The following PTPN4 variants were observed in gnomAD, a reference collection of about 807,000 sequenced individuals.
PTPN4 encodes the protein tyrosine-protein phosphatase non-receptor type 4.
Under a neutral mutation model 135.5 loss-of-function variants are expected in PTPN4, and 49 were observed. The ratio of observed to expected loss-of-function variants is 0.36; its 90% CI spans 0.29 to 0.46. PTPN4 has a LOEUF of 0.46. Among genes scored for constraint, PTPN4 ranks in the 20% least tolerant of loss-of-function variants. PTPN4 has a pLI of 1.00. For missense variants in PTPN4, 860 were observed against 1,101.0 expected, an observed-to-expected ratio of 0.78 and a Z score of 3.10; for synonymous variants, 333 against 369.9, an observed-to-expected ratio of 0.90 and a Z score of 1.14.
chr2:119,877,903 T>C (rs954960779), intron 5 of PTPN4, among the ~76,000 whole-genome samples: 22 of 150,570 alleles, frequency 1.5e-4, no homozygotes, highest in African/African-American at 3.4e-4. Context: ...GTTTTTTTTT[T>C]CCCATGTGAA....
At chr2:119,775,750 C>A (rs928070031) in intron 1 of PTPN4, among the ~76,000 whole-genome samples, 1 of 152,166 alleles carries the variant, frequency 6.6e-6, no homozygotes, top group Non-Finnish European at 1.5e-5. Context: ...TTGTGCATGA[C>A]TTCACAGGAT....
chr2:119,932,569 C>T lies in PTPN4; in HGVS notation c.1196+20C>T, dbSNP rs1360516835. 6.3e-7 allele frequency: 1 copy of T among 1,582,898 alleles called. No homozygotes were observed. Among genetic ancestry groups the T allele is most frequent in the East Asian group, 2.3e-5 (1 of 43,662 alleles). ...TAATCAGTAAGTGTGAATTTTGTGA[C>T]CAACATCAGGTGTGAATTTTGCTAA... On this transcript the variant is annotated intron_variant, in intron 14 of 26. Transcript: ENST00000263708.
chr2:119,900,674 C>A (rs370272876), intron 9 of PTPN4, 44 bp from the exon 10 acceptor site: 12 of 1,164,038 alleles, frequency 1.0e-5, no homozygotes, highest in South Asian at 1.6e-5. Flanking sequence ...CTAACAAAGC[C>A]CATAAATTTA....
intron 26 of PTPN4, among the ~76,000 whole-genome samples, chr2:119,974,019 T>C (rs1679577642): frequency 6.6e-6 from 1 of 152,196 alleles, no homozygotes; most frequent in African/African-American, 2.4e-5. Context: ...TAGCAAGTGG[T>C]ATAGCATGTG....
intron 1 of PTPN4, among the ~76,000 whole-genome samples, chr2:119,766,452 G>GC: frequency 2.4e-5 from 1 of 42,432 alleles, no homozygotes; most frequent in African/African-American, 5.8e-5. Context: ...GTGCGCGCGT[G>GC]TGTGTGTGTG....
chr2:119,896,374 C>T (rs1391200842), intron 9 of PTPN4, among the ~76,000 whole-genome samples: 2 of 152,180 alleles, frequency 1.3e-5, no homozygotes, highest in East Asian at 3.9e-4. Flanking sequence ...CTGTAAAGCA[C>T]TGGATTATTT....
chr2:119,923,358 CA>C (rs890569598), intron 12 of PTPN4, among the ~76,000 whole-genome samples: 1 of 152,134 alleles, frequency 6.6e-6, no homozygotes, highest in African/African-American at 2.4e-5. Context: ...GGTGACAGAG[CA>C]AGACCCTGTC....
chr2:119,779,835 C>T (rs1299693136), intron 1 of PTPN4, among the ~76,000 whole-genome samples: 1 of 152,134 alleles, frequency 6.6e-6, no homozygotes, highest in Non-Finnish European at 1.5e-5. Flanking sequence ...GCCTCGATTT[C>T]CCAGGCTCAA....
intron 1 of PTPN4, among the ~76,000 whole-genome samples, chr2:119,785,708 G>A (rs1213478501): frequency 6.6e-6 from 1 of 152,048 alleles, no homozygotes; most frequent in East Asian, 1.9e-4. Context: ...AGAATCAAGA[G>A]CTGTTAAAAT....
chr2:119,779,576 C>T (rs1408032425), intron 1 of PTPN4, among the ~76,000 whole-genome samples: 3 of 147,564 alleles, frequency 2.0e-5, no homozygotes, highest in Non-Finnish European at 3.0e-5. Flanking sequence ...GAGATTGTGC[C>T]ACTGCACTCC....
Position 119,982,235 on chromosome 2 carries a change from A to G in PTPN4, c.*5165A>G, listed in dbSNP as rs1679706334. 1 of 152,280 alleles carries G rather than the reference A, an allele frequency of 6.6e-6. No homozygotes were observed. The highest frequency in any genetic ancestry group is 1.9e-4 in the East Asian group (1 of 5,190). The allele number at this position is 152,280 out of a possible 1,614,324, so 9.4% of individuals were successfully genotyped here. A position where few individuals can be genotyped will look rare whatever the true frequency, so the allele number is the denominator to read the frequency against. On this transcript the variant is annotated 3_prime_UTR_variant, in exon 27 of 27. Transcript: ENST00000263708. ...CTTTGTTGTGTAAAGGATATAGAAA[A>G]TATTTTTCTATGGACAGAAGGTTGA... is the stretch of plus-strand genomic sequence containing the variant.
chr2:119,796,860 TTGTGTGTGTGTG>T (rs112883330), intron 1 of PTPN4, among the ~76,000 whole-genome samples: 24 of 147,538 alleles, frequency 1.6e-4, no homozygotes, highest in African/African-American at 5.5e-4. Flanking sequence ...GTCACTGTTT[TTGTGTGTGTGTG>T]TGTGTGTGTG....
Position 119,977,272 on chromosome 2 carries a change from G to C in PTPN4, c.*202G>C, listed in dbSNP as rs1472578587. The C allele has an allele frequency of 2.4e-6, 2 of 848,392 alleles. No homozygotes were observed. The highest frequency in any genetic ancestry group is 3.2e-6 in the Non-Finnish European group (2 of 630,112). 52.6% of individuals were successfully genotyped at this position (848,392 alleles called of 1,614,324 possible). On this transcript the variant is annotated 3_prime_UTR_variant, in exon 27 of 27. Transcript: ENST00000263708. ...TCTATAACTCATGTATTTGAAGACT[G>C]TTTCATGCTTTGCTCCGAACAAATA...
At chr2:119,868,020 G>A (rs886959748) in intron 3 of PTPN4, among the ~76,000 whole-genome samples, 44 of 152,244 alleles carry the variant, frequency 2.9e-4, no homozygotes, top group East Asian at 9.7e-4. Flanking sequence ...GGAAAATACC[G>A]AAGATACTGT....
intron 2 of PTPN4, among the ~76,000 whole-genome samples, chr2:119,811,233 A>G (rs747502654): frequency 4.6e-5 from 7 of 152,268 alleles, no homozygotes; most frequent in Non-Finnish European, 8.8e-5. Context: ...GTATAATAAT[A>G]CAAAAAATGA....
intron 2 of PTPN4, among the ~76,000 whole-genome samples, chr2:119,820,676 A>T (rs1558735728): frequency 6.6e-6 from 1 of 152,162 alleles, no homozygotes; most frequent in African/African-American, 2.4e-5. Flanking sequence ...CCTAACTCAA[A>T]TTGGATAGTT....
At chr2:119,840,458 T>C (rs1677363541) in intron 2 of PTPN4, among the ~76,000 whole-genome samples, 1 of 152,266 alleles carries the variant, frequency 6.6e-6, no homozygotes, top group Admixed American at 6.5e-5. Flanking sequence ...ATGGTGCGTA[T>C]GTACCACATT....
intron 9 of PTPN4, among the ~76,000 whole-genome samples, chr2:119,886,765 A>T (rs1285356961): frequency 6.6e-6 from 1 of 152,246 alleles, no homozygotes; most frequent in Non-Finnish European, 1.5e-5. Flanking sequence ...GTTCTACTTC[A>T]TGTAATGGTT....
At chr2:119,962,544 AT>A in intron 23 of PTPN4, 71 bp from the exon 24 acceptor site, 3 of 926,300 alleles carry the variant, frequency 3.2e-6, no homozygotes, top group East Asian at 3.7e-5. Flanking sequence ...TTAAAAAAAC[AT>A]TTTTAAAAAT....
Sources: gnomAD v4.1 joint callset for allele counts (sites outside exome capture counted in the v4.1 genomes callset) on GRCh38, gnomAD v4.1.1 for gene constraint, MANE v1.5 for transcripts, NCBI Gene and HGNC (gene_info 2026-07-23, HGNC 2026-07-21) for gene names.